Variants in MCF2L2 observed in about 807,000 individuals in gnomAD.
MCF2L2 encodes probable guanine nucleotide exchange factor MCF2L2.
MCF2L2 carries 102 observed loss-of-function variants against 150.2 expected under a neutral mutation model. The observed-to-expected ratio is 0.68, with a 90% CI of 0.58 to 0.80. The LOEUF (loss-of-function observed/expected upper bound fraction) is 0.80, where lower values mean the gene tolerates loss of function less well. MCF2L2 is among the 30% of genes least tolerant of loss of function. The probability of loss-of-function intolerance (pLI) is 0.00; values close to 1 mark genes in which losing one functional copy is unlikely to be tolerated. For synonymous variants in MCF2L2, 465 were observed against 491.3 expected (o/e 0.95, Z 0.71); for missense variants, 1,256 against 1,372.8 (o/e 0.91, Z 1.34).
chr3:183,280,799 G>A (rs1212098518), intron 14 of MCF2L2, among the ~76,000 whole-genome samples: 2 of 145,684 alleles, frequency 1.4e-5, no homozygotes, highest in Non-Finnish European at 3.0e-5. Flanking sequence ...AATGAGCTGA[G>A]ATCACGCCAC....
At position 183,228,348 on chromosome 3, in the gene MCF2L2, C is replaced by T. The variant is rs758545657; in HGVS notation, c.2064G>A (p.Leu688=). The T allele has an allele frequency of 6.2e-7, 1 of 1,612,378 alleles. No individual in the cohort carries two copies. Among genetic ancestry groups the T allele is most frequent in the Non-Finnish European group, 8.5e-7 (1 of 1,178,700 alleles). ...GTTCAGGGTTCTCAGCACACTTTTC[C>T]AACTCTTTTAGAAAAGTCCTAGAAA... The part of the protein sequence containing the change: ...EFHNRTFLKE[L]EKCAENPELL... The change falls in exon 18 of 30, where the codon TTG becomes TTA. Residue 688 remains leucine (L), a synonymous_variant. Transcript: ENST00000328913.
At chr3:183,373,728 T>G (rs1486926654) in intron 3 of MCF2L2, 1 of 152,132 alleles carries the variant, frequency 6.6e-6, no homozygotes, top group Non-Finnish European at 1.5e-5. Context: ...GTCTGGACAT[T>G]GGGAATTAAA....
chr3:183,346,205 CA>C (rs934785287), intron 3 of MCF2L2, among the ~76,000 whole-genome samples: 2 of 152,166 alleles, frequency 1.3e-5, no homozygotes, highest in African/African-American at 2.4e-5. Flanking sequence ...AGCATCACAT[CA>C]AAAAGCTTAT....
intron 5 of MCF2L2, among the ~76,000 whole-genome samples, chr3:183,334,446 C>T (rs1369078901): frequency 5.9e-5 from 9 of 151,912 alleles, no homozygotes; most frequent in African/African-American, 2.2e-4. Context: ...CACCGTGGGC[C>T]TCCAGGCGAT....
intron 3 of MCF2L2, among the ~76,000 whole-genome samples, chr3:183,342,587 A>C (rs1357201643): frequency 1.3e-5 from 2 of 151,626 alleles, no homozygotes; most frequent in Non-Finnish European, 2.9e-5. Flanking sequence ...ATAATAAAAT[A>C]GTATCTACCT....
intron 1 of MCF2L2, among the ~76,000 whole-genome samples, chr3:183,423,364 T>C (rs16857451): frequency 0.085 from 12,896 of 152,286 alleles, 572 homozygotes; most frequent in African/African-American, 0.095. Context: ...CAACCTGGGT[T>C]ACAGATCAGT....
intron 15 of MCF2L2, chr3:183,265,179 A>C (rs1725978121): frequency 6.6e-6 from 1 of 152,234 alleles, no homozygotes; most frequent in African/African-American, 2.4e-5. Context: ...TAAAGCACCG[A>C]ATCAGAGTGA....
intron 18 of MCF2L2, chr3:183,226,700 C>T (rs1723358208): frequency 6.6e-6 from 1 of 152,186 alleles, no homozygotes; most frequent in South Asian, 2.1e-4. Context: ...TTGCCCATTT[C>T]TCATTGAGCA....
intron 25 of MCF2L2, among the ~76,000 whole-genome samples, chr3:183,199,635 T>TA (rs1491579022): frequency 1.3e-5 from 2 of 151,212 alleles, no homozygotes; most frequent in African/African-American, 2.4e-5. Flanking sequence ...TTTTTTTTTT[T>TA]ATTATACTTT....
At chr3:183,350,426 T>A (rs1318009711) in intron 3 of MCF2L2, among the ~76,000 whole-genome samples, 1 of 152,128 alleles carries the variant, frequency 6.6e-6, no homozygotes, top group Admixed American at 6.5e-5. Flanking sequence ...TTTTTACCCC[T>A]CTTGTTCTTT....
At chr3:183,352,642 A>G (rs1013391177) in intron 3 of MCF2L2, among the ~76,000 whole-genome samples, 3 of 152,230 alleles carry the variant, frequency 2.0e-5, no homozygotes, top group Non-Finnish European at 2.9e-5. Flanking sequence ...AAGCCAGCAA[A>G]GAACAGCGCT....
intron 1 of MCF2L2, among the ~76,000 whole-genome samples, chr3:183,397,675 T>C (rs879459440): frequency 9.2e-5 from 12 of 130,536 alleles, no homozygotes; most frequent in Non-Finnish European, 1.9e-4. Flanking sequence ...AGGCAGATTA[T>C]CTATGAGTAA....
intron 4 of MCF2L2, among the ~76,000 whole-genome samples, chr3:183,340,898 G>A (rs1049700930): frequency 1.3e-5 from 2 of 152,252 alleles, no homozygotes. Flanking sequence ...AGCTGAGATT[G>A]CGCCACTGCA....
chr3:183,189,923 A>C (rs566444902), intron 27 of MCF2L2, among the ~76,000 whole-genome samples: 2 of 152,334 alleles, frequency 1.3e-5, no homozygotes, highest in South Asian at 4.1e-4. Context: ...CAAAATGACC[A>C]GATGGCAGAC....
At chr3:183,250,542 G>A (rs935920547) in intron 15 of MCF2L2, among the ~76,000 whole-genome samples, 2 of 151,230 alleles carry the variant, frequency 1.3e-5, no homozygotes, top group East Asian at 1.9e-4. Context: ...AAAGGAGATC[G>A]TGCCACTGCA....
At chr3:183,297,464 T>C in intron 11 of MCF2L2, 1 of 307,954 alleles carries the variant, frequency 3.2e-6, no homozygotes. Context: ...AAATATATAT[T>C]TAATTAAAGA....
At chr3:183,336,153 ACAT>A (rs1730468996) in intron 5 of MCF2L2, among the ~76,000 whole-genome samples, 1 of 152,204 alleles carries the variant, frequency 6.6e-6, no homozygotes, top group Non-Finnish European at 1.5e-5. Flanking sequence ...GGTAATACAT[ACAT>A]AATACATGTA....
intron 3 of MCF2L2, among the ~76,000 whole-genome samples, chr3:183,351,190 GTATATATA>G (rs60311053): frequency 0.055 from 2,107 of 38,612 alleles, 56 homozygotes; most frequent in Non-Finnish European, 0.074. Context: ...ATTTTCTTAA[GTATATATA>G]TATATATATA....
At chr3:183,233,245 G>C (rs1486191393) in intron 15 of MCF2L2, among the ~76,000 whole-genome samples, 2 of 152,008 alleles carry the variant, frequency 1.3e-5, no homozygotes, top group Non-Finnish European at 2.9e-5. Flanking sequence ...CCAGCTACTT[G>C]GGAGGGTGAC....
Sources: allele counts gnomAD v4.1 joint callset (sites outside exome capture counted in the v4.1 genomes callset), GRCh38; gene constraint gnomAD v4.1.1; transcripts MANE v1.5; gene names NCBI Gene and HGNC (gene_info 2026-07-23, HGNC 2026-07-21).